The following ITGA2 variants were observed in gnomAD, a reference collection of about 807,000 sequenced individuals.
The protein encoded by ITGA2 is integrin subunit alpha 2.
In ITGA2, 101 loss-of-function variants were observed where a neutral mutation model predicts 146.3. The observed-to-expected ratio is 0.69, with a 90% CI of 0.59 to 0.81. The LOEUF (loss-of-function observed/expected upper bound fraction) is 0.81. Ranked by LOEUF, ITGA2 falls within the 40% of genes least tolerant of loss-of-function variation. The pLI, the probability that ITGA2 is intolerant of heterozygous loss-of-function variation, is 0.00. For synonymous variants in ITGA2, 477 were observed against 487.1 expected (o/e 0.98, Z 0.27); for missense variants, 1,281 against 1,402.7 (o/e 0.91, Z 1.39).
chr5:53,065,885 C>T lies in ITGA2; in HGVS notation c.1851C>T (p.Tyr617=). ...GAGCCTTTAGGAGCCATCTCCAGTA[C>T]TTTGGGAGGTCCTTGGATGGCTATG... ...SDGAFRSHLQ[Y]FGRSLDGYGD... The change falls in exon 15 of 30, where the codon TAC becomes TAT. Residue 617 remains tyrosine, a synonymous_variant. Coordinates refer to ENST00000296585, the MANE Select transcript of ITGA2 (RefSeq NM_002203.4). The T allele has an allele frequency of 1.2e-6, 2 of 1,612,058 alleles. No homozygotes were observed. Among genetic ancestry groups the T allele is most frequent in the Non-Finnish European group, 8.5e-7 (1 of 1,178,768 alleles).
chr5:53,056,953 G>A (rs1744667909), intron 9 of ITGA2, among the ~76,000 whole-genome samples: 1 of 151,910 alleles, frequency 6.6e-6, no homozygotes, highest in Non-Finnish European at 1.5e-5. Flanking sequence ...GGGGCTAAAG[G>A]AATTGCATAA....
chr5:53,020,421 A>ATAC (rs1742620588), intron 1 of ITGA2, among the ~76,000 whole-genome samples: 2 of 152,192 alleles, frequency 1.3e-5, no homozygotes, highest in African/African-American at 4.8e-5. Context: ...TTTTAAGTCT[A>ATAC]TAGGCATAAA....
intron 25 of ITGA2, 36 bp from the exon 26 acceptor site, chr5:53,081,556 G>C (rs981015372): frequency 6.8e-7 from 1 of 1,466,626 alleles, no homozygotes; most frequent in Non-Finnish European, 9.5e-7. Context: ...AAACTGTTTT[G>C]CTTCTGAAGT....
At chr5:53,012,259 A>T (rs1381993123) in intron 1 of ITGA2, among the ~76,000 whole-genome samples, 2 of 152,164 alleles carry the variant, frequency 1.3e-5, no homozygotes, top group Non-Finnish European at 2.9e-5. Flanking sequence ...ATTTATTTGG[A>T]TAAAAAAGGA....
intron 1 of ITGA2, among the ~76,000 whole-genome samples, chr5:53,021,841 C>T (rs1304726613): frequency 6.6e-6 from 1 of 152,202 alleles, no homozygotes; most frequent in Non-Finnish European, 1.5e-5. Flanking sequence ...GTCAAAACCA[C>T]ACCTCTATTC....
intron 11 of ITGA2, 110 bp from the exon 12 acceptor site, chr5:53,060,791 T>C: frequency 9.6e-7 from 1 of 1,037,082 alleles, no homozygotes; most frequent in South Asian, 1.3e-5. Context: ...ACTAGAAACT[T>C]TGCATCACAT....
chr5:53,008,277 G>C (rs1378448140), intron 1 of ITGA2, among the ~76,000 whole-genome samples: 1 of 149,786 alleles, frequency 6.7e-6, no homozygotes, highest in Non-Finnish European at 1.5e-5. Context: ...TCCCTATGTG[G>C]GTACTGAGAG....
chr5:53,007,316 AC>A, intron 1 of ITGA2, among the ~76,000 whole-genome samples: 1 of 152,254 alleles, frequency 6.6e-6, no homozygotes, highest in East Asian at 1.9e-4. Context: ...AAAGACCCTA[AC>A]CAAAATTTAT....
chr5:53,089,867 G>C, intron 28 of ITGA2, 79 bp from the exon 29 acceptor site: 1 of 860,620 alleles, frequency 1.2e-6, no homozygotes, highest in Non-Finnish European at 2.0e-6. Flanking sequence ...TTCACTTACA[G>C]AATTAGAGAA....
In ITGA2 at chr5:53,026,762, T is replaced by G; in HGVS notation, c.79T>G (p.Cys27Gly). The change falls in exon 2 of 30, where the codon TGT becomes GGT. Residue 27 changes from cysteine (C) to glycine (G), a missense_variant. Cys to Gly is a radical substitution (Grantham distance 159, BLOSUM62 -3). Transcript: ENST00000296585. The stretch of plus-strand genomic sequence containing the variant: ...TTTCTTAATAGGCATTTTAAATTGT[T>G]GTTTGGCCTACAATGTTGGTCTCCC... The part of the protein sequence containing the change: ...LALSQGILNC[C>G]LAYNVGLPEA... 6.2e-7 allele frequency: 1 copy of G among 1,610,526 alleles called. No homozygotes were observed. The highest frequency in any genetic ancestry group is 1.7e-5 in the Admixed American group (1 of 60,006).
chr5:53,028,119 A>C (rs1743041777), intron 2 of ITGA2, among the ~76,000 whole-genome samples: 1 of 152,138 alleles, frequency 6.6e-6, no homozygotes, highest in Non-Finnish European at 1.5e-5. Context: ...GTAATTCATA[A>C]GCCTTTTTTT....
chr5:53,075,841 T>C (rs1745638848), intron 23 of ITGA2, among the ~76,000 whole-genome samples: 2 of 151,894 alleles, frequency 1.3e-5, no homozygotes, highest in African/African-American at 2.4e-5. Context: ...TCCTCACATA[T>C]CAGATTAGGG....
intron 2 of ITGA2, 135 bp downstream of exon 2, chr5:53,027,003 C>A (rs867693293): frequency 2.5e-5 from 19 of 754,672 alleles, no homozygotes; most frequent in South Asian, 6.6e-5. Flanking sequence ...AATGAACAAT[C>A]TTTCTTTGAG....
At chr5:53,077,990 A>T (rs1050737650) in intron 23 of ITGA2, among the ~76,000 whole-genome samples, 2 of 152,056 alleles carry the variant, frequency 1.3e-5, no homozygotes, top group African/African-American at 4.8e-5. Context: ...CCTGGTTGGA[A>T]TCCCACCTCA....
chr5:53,065,923 G>T lies in ITGA2; in HGVS notation c.1889G>T (p.Gly630Val). Residue 630 changes from glycine (G) to valine (V), a missense_variant, in exon 15 of 30, where the codon GGG becomes GTG. Transcript: ENST00000296585. Reference protein sequence around the residue: ...RSLDGYGDLNGDSITDVSIGA... With the variant: ...RSLDGYGDLNVDSITDVSIGA... ...TTGGATGGCTATGGAGATTTAAATG[G>T]GGATTCCATCACCGATGTGTCTATT... The T allele has an allele frequency of 6.2e-7, 1 of 1,612,112 alleles. No homozygotes were observed. Among genetic ancestry groups the T allele is most frequent in the Non-Finnish European group, 8.5e-7 (1 of 1,178,758 alleles).
At chr5:53,064,880 C>A in intron 13 of ITGA2, 32 bp from the exon 14 acceptor site, 1 of 1,598,432 alleles carries the variant, frequency 6.3e-7, no homozygotes, top group South Asian at 1.1e-5. Flanking sequence ...GTAAGGTTTG[C>A]TTTAATCATC....
At chr5:53,060,689 C>T (rs1202747565) in intron 11 of ITGA2, among the ~76,000 whole-genome samples, 1 of 151,842 alleles carries the variant, frequency 6.6e-6, no homozygotes. Context: ...AGGTAGAAGT[C>T]CCACCTGCAA....
At chr5:53,059,166 T>A (rs962732766) in intron 10 of ITGA2, among the ~76,000 whole-genome samples, 10 of 151,912 alleles carry the variant, frequency 6.6e-5, no homozygotes, top group Non-Finnish European at 2.9e-5. Flanking sequence ...ATTTATAGCA[T>A]TGAGTGTTTA....
intron 13 of ITGA2, among the ~76,000 whole-genome samples, chr5:53,063,905 G>A (rs907946272): frequency 6.6e-6 from 1 of 151,768 alleles, no homozygotes; most frequent in Non-Finnish European, 1.5e-5. Context: ...AAAATGAACA[G>A]ATCTTTTAAT....
Sources: allele counts gnomAD v4.1 joint callset (sites outside exome capture counted in the v4.1 genomes callset), GRCh38; gene constraint gnomAD v4.1.1; transcripts MANE v1.5; gene names NCBI Gene and HGNC (gene_info 2026-07-23, HGNC 2026-07-21).